Variants in HHIP observed in about 807,000 individuals in gnomAD.
HHIP encodes hedgehog interacting protein, also known as hedgehog-interacting protein.
In HHIP, 12 loss-of-function variants were observed where a neutral mutation model predicts 74.0. That is an observed-to-expected ratio of 0.16 (90% confidence interval 0.10 to 0.26). HHIP has a LOEUF of 0.26. HHIP is among the 10% of genes least tolerant of loss of function. The probability of loss-of-function intolerance (pLI) is 1.00; values close to 1 mark genes in which losing one functional copy is unlikely to be tolerated. For synonymous variants in HHIP, 309 were observed against 311.6 expected (o/e 0.99, Z 0.09); for missense variants, 788 against 845.0 (o/e 0.93, Z 0.84).
intron 4 of HHIP, among the ~76,000 whole-genome samples, chr4:144,673,962 T>C (rs1236496784): frequency 6.6e-6 from 1 of 152,174 alleles, no homozygotes; most frequent in African/African-American, 2.4e-5. Context: ...ATAGAGTAAA[T>C]TAGATGTGAA....
intron 7 of HHIP, among the ~76,000 whole-genome samples, chr4:144,709,923 C>T (rs184205185): frequency 2.0e-5 from 3 of 152,312 alleles, no homozygotes; most frequent in East Asian, 1.9e-4. Flanking sequence ...GATGAACTGA[C>T]ATTGACACGT....
At chr4:144,696,754 T>C (rs958138806) in intron 4 of HHIP, among the ~76,000 whole-genome samples, 1 of 151,828 alleles carries the variant, frequency 6.6e-6, no homozygotes, top group African/African-American at 2.4e-5. Context: ...AACTCTAGAG[T>C]TGCTATAAAG....
rs778753376 is a variant in HHIP at position 144,652,769 on chromosome 4, C to A, written c.444C>A (p.Phe148Leu). ...TCTGCAAAGACTATTGCAAAGAATT[C>A]TTTTACACTTGCCGAGGCCATATTC... ...PLLCKDYCKE[F>L]FYTCRGHIPG... is the part of the protein sequence containing the mutation. The change falls in exon 2 of 13, where the codon TTC becomes TTA. Residue 148 changes from phenylalanine to leucine, a missense_variant. Phe to Leu is a conservative substitution (Grantham distance 22). Coordinates refer to ENST00000296575, the MANE Select transcript of HHIP (RefSeq NM_022475.3). The A allele has an allele frequency of 6.3e-7, 1 of 1,598,422 alleles. No individual in the cohort carries two copies.
intron 11 of HHIP, among the ~76,000 whole-genome samples, chr4:144,727,850 C>T (rs551635937): frequency 6.6e-6 from 1 of 152,208 alleles, no homozygotes; most frequent in South Asian, 2.1e-4. Context: ...AATGTGGGTA[C>T]ATTGCTACCT....
At chr4:144,659,314 A>G (rs539848500) in intron 3 of HHIP, among the ~76,000 whole-genome samples, 34 of 152,356 alleles carry the variant, frequency 2.2e-4, no homozygotes, top group Non-Finnish European at 4.0e-4. Flanking sequence ...CATGCCTTCC[A>G]TAAGGTTTAT....
At chr4:144,648,710 A>G (rs563665313) in intron 1 of HHIP, 3 of 152,250 alleles carry the variant, frequency 2.0e-5, no homozygotes, top group Non-Finnish European at 4.4e-5. Context: ...GCAATACTCA[A>G]CTCTTCCAGA....
intron 2 of HHIP, among the ~76,000 whole-genome samples, chr4:144,655,396 G>A (rs1728530324): frequency 6.6e-6 from 1 of 152,126 alleles, no homozygotes; most frequent in Admixed American, 6.6e-5. Context: ...CACTCTATGG[G>A]AAGCATATCG....
intron 1 of HHIP, among the ~76,000 whole-genome samples, chr4:144,651,450 C>T (rs954440926): frequency 4.3e-4 from 66 of 152,026 alleles, no homozygotes; most frequent in African/African-American, 1.5e-3. Flanking sequence ...TCCCAAAAAA[C>T]AGAAGCCATA....
In HHIP at chr4:144,674,924, T is replaced by C. The variant is rs1176754346; in HGVS notation, c.831+15086T>C. ...AAACTTGGTAGGGAACTGGGCCCCTTTGCCTGTAGGGGGATGACCTTTAAC... is the reference window on the plus strand; with the variant it reads ...AAACTTGGTAGGGAACTGGGCCCCTCTGCCTGTAGGGGGATGACCTTTAAC... On this transcript the variant is annotated intron_variant, in intron 4 of 12. Coordinates refer to ENST00000296575, the MANE Select transcript of HHIP (RefSeq NM_022475.3). Among the ~76,000 whole-genome samples the C allele has an allele frequency of 4.6e-5, 7 of 152,254 alleles. No homozygotes were observed. In the South Asian group the frequency reaches 1.2e-3, roughly 27 times the overall value.
chr4:144,670,707 GAAAA>G (rs199920533), intron 4 of HHIP, among the ~76,000 whole-genome samples: 1 of 30,312 alleles, frequency 3.3e-5, no homozygotes, highest in African/African-American at 7.7e-5. Flanking sequence ...ATTTCTTTAA[GAAAA>G]AAAAAAAAAA....
chr4:144,650,126 G>C (rs1383108211), intron 1 of HHIP, among the ~76,000 whole-genome samples: 1 of 152,052 alleles, frequency 6.6e-6, no homozygotes, highest in Non-Finnish European at 1.5e-5. Flanking sequence ...TAGTTACTTG[G>C]TAAATAAAGA....
At chr4:144,728,636 A>C (rs1301482319) in intron 11 of HHIP, among the ~76,000 whole-genome samples, 5 of 152,192 alleles carry the variant, frequency 3.3e-5, no homozygotes, top group Non-Finnish European at 7.4e-5. Context: ...CAAGGAAGGT[A>C]TTCCTTAAAA....
At chr4:144,725,555 A>T (rs1159550797) in intron 11 of HHIP, among the ~76,000 whole-genome samples, 2 of 152,140 alleles carry the variant, frequency 1.3e-5, no homozygotes, top group Non-Finnish European at 2.9e-5. Context: ...TGGAGCTAAG[A>T]ATTTATTTTT....
intron 8 of HHIP, 78 bp from the exon 9 acceptor site, chr4:144,714,147 G>C (rs1730378870): frequency 7.2e-6 from 9 of 1,247,556 alleles, no homozygotes; most frequent in Middle Eastern, 1.9e-4. Flanking sequence ...AATTACTATA[G>C]TAATTGTTGT....
intron 8 of HHIP, among the ~76,000 whole-genome samples, chr4:144,712,874 CT>C (rs966407338): frequency 4.8e-5 from 6 of 125,534 alleles, no homozygotes; most frequent in South Asian, 3.1e-4. Flanking sequence ...AGTTATTTTA[CT>C]TTTTTTTCAG....
intron 11 of HHIP, among the ~76,000 whole-genome samples, chr4:144,725,731 C>A (rs777690540): frequency 6.6e-6 from 1 of 151,984 alleles, no homozygotes; most frequent in South Asian, 2.1e-4. Flanking sequence ...TGCAATGGCA[C>A]GATCTCGGCT....
chr4:144,655,181 G>C (rs1728526899), intron 2 of HHIP: 1 of 152,134 alleles, frequency 6.6e-6, no homozygotes, highest in African/African-American at 2.4e-5. Flanking sequence ...TCCCAAAAAT[G>C]GGAAAAGATA....
intron 8 of HHIP, among the ~76,000 whole-genome samples, chr4:144,712,986 C>T (rs984766604): frequency 3.3e-5 from 5 of 150,046 alleles, no homozygotes; most frequent in African/African-American, 1.2e-4. Context: ...GTCACTAGCT[C>T]GATGGAATTT....
chr4:144,728,105 T>C (rs963263617), intron 11 of HHIP, among the ~76,000 whole-genome samples: 1 of 152,220 alleles, frequency 6.6e-6, no homozygotes, highest in African/African-American at 2.4e-5. Context: ...GAAAATTAGA[T>C]GGATATTTGT....
Sources: gnomAD v4.1 joint callset for allele counts (sites outside exome capture counted in the v4.1 genomes callset) on GRCh38, gnomAD v4.1.1 for gene constraint, MANE v1.5 for transcripts, NCBI Gene and HGNC (gene_info 2026-07-23, HGNC 2026-07-21) for gene names.